INTS9: variants seen among roughly 807,000 people sequenced by gnomAD.
INTS9 encodes protein related to CPSF subunits of 74 kDa.
INTS9 carries 55 observed loss-of-function variants against 79.7 expected under a neutral mutation model. That is an observed-to-expected ratio of 0.69 (90% CI 0.56 to 0.86). INTS9 has a LOEUF of 0.86. Ranked by LOEUF, INTS9 falls within the 40% of genes least tolerant of loss-of-function variation. The pLI is 0.00. For missense variants in INTS9, 721 were observed against 831.5 expected, an observed-to-expected ratio of 0.87 and a Z score of 1.64; for synonymous variants, 319 against 325.2, an observed-to-expected ratio of 0.98 and a Z score of 0.20.
intron 1 of INTS9, among the ~76,000 whole-genome samples, chr8:28,860,475 CT>C (rs769131992): frequency 2.3e-3 from 325 of 143,730 alleles, no homozygotes; most frequent in East Asian, 2.6e-3. Flanking sequence ...CCATTCTCTC[CT>C]TTTTTTTTTT....
chr8:28,879,356 C>A (rs1273440977), intron 1 of INTS9, among the ~76,000 whole-genome samples: 2 of 152,000 alleles, frequency 1.3e-5, no homozygotes, highest in African/African-American at 4.8e-5. Flanking sequence ...AAGCATCTTA[C>A]AAAATCCAAG....
At chr8:28,867,002 T>G (rs1431326746) in intron 1 of INTS9, among the ~76,000 whole-genome samples, 2 of 138,506 alleles carry the variant, frequency 1.4e-5, no homozygotes, top group African/African-American at 2.7e-5. Context: ...AAATCTGCTT[T>G]CCAGCCAGGC....
At chr8:28,889,594 CCA>C (rs1563325851) in intron 1 of INTS9, among the ~76,000 whole-genome samples, 2 of 152,110 alleles carry the variant, frequency 1.3e-5, no homozygotes, top group South Asian at 2.1e-4. Flanking sequence ...TTAACAGAGC[CCA>C]CAGAGTTCAT....
chr8:28,868,489 T>C (rs1300498551), intron 1 of INTS9, among the ~76,000 whole-genome samples: 2 of 152,156 alleles, frequency 1.3e-5, no homozygotes. Flanking sequence ...ATGAAGTAAG[T>C]TGTAAATGAC....
intron 6 of INTS9, among the ~76,000 whole-genome samples, chr8:28,826,442 C>T (rs542061749): frequency 6.6e-6 from 1 of 152,128 alleles, no homozygotes; most frequent in African/African-American, 2.4e-5. Context: ...TCAGGGGTAA[C>T]CCGGAGGAGG....
At chr8:28,777,311 TC>T (rs1302463556) in intron 13 of INTS9, among the ~76,000 whole-genome samples, 2 of 152,124 alleles carry the variant, frequency 1.3e-5, no homozygotes, top group Admixed American at 1.3e-4. Context: ...GCACAGTGGT[TC>T]CGTGGCCCTG....
intron 8 of INTS9, among the ~76,000 whole-genome samples, chr8:28,807,589 C>T (rs1429256753): frequency 6.6e-6 from 1 of 152,196 alleles, no homozygotes; most frequent in Non-Finnish European, 1.5e-5. Flanking sequence ...GAAAAGCTAA[C>T]ACTGCAGTTC....
chr8:28,817,267 CT>C (rs1371205874), intron 6 of INTS9, among the ~76,000 whole-genome samples: 1 of 151,828 alleles, frequency 6.6e-6, no homozygotes, highest in Non-Finnish European at 1.5e-5. Flanking sequence ...AGGTTTTCTT[CT>C]AGGGTTTTTA....
chr8:28,867,280 G>A (rs901947874), intron 1 of INTS9, among the ~76,000 whole-genome samples: 2 of 152,158 alleles, frequency 1.3e-5, no homozygotes, highest in African/African-American at 4.8e-5. Context: ...TTAGCTGGGC[G>A]TCGTGGCATG....
At chr8:28,851,427 T>C (rs906786406) in intron 2 of INTS9, among the ~76,000 whole-genome samples, 3 of 151,476 alleles carry the variant, frequency 2.0e-5, no homozygotes, top group Admixed American at 6.6e-5. Flanking sequence ...TTTGTTTTTG[T>C]TTTTGTTTTG....
At chr8:28,791,380 C>T (rs777689431) in intron 10 of INTS9, among the ~76,000 whole-genome samples, 5 of 152,100 alleles carry the variant, frequency 3.3e-5, no homozygotes, top group Non-Finnish European at 7.4e-5. Context: ...CAATAAAGAA[C>T]TATGGATAGT....
intron 1 of INTS9, among the ~76,000 whole-genome samples, chr8:28,860,105 C>T (rs1808372777): frequency 6.6e-6 from 1 of 152,184 alleles, no homozygotes; most frequent in Non-Finnish European, 1.5e-5. Flanking sequence ...AAGTGACTTC[C>T]CTGATGTGCA....
intron 1 of INTS9, among the ~76,000 whole-genome samples, chr8:28,860,773 C>T (rs1471993393): frequency 6.6e-6 from 1 of 152,222 alleles, no homozygotes; most frequent in Non-Finnish European, 1.5e-5. Flanking sequence ...TGAGCCATGG[C>T]GCCCGACCCT....
At chr8:28,824,363 A>T (rs1806028319) in intron 6 of INTS9, among the ~76,000 whole-genome samples, 1 of 152,182 alleles carries the variant, frequency 6.6e-6, no homozygotes, top group Non-Finnish European at 1.5e-5. Context: ...TGACTTCCTA[A>T]GGCCCTTCTT....
intron 11 of INTS9, among the ~76,000 whole-genome samples, chr8:28,785,564 T>C: frequency 6.6e-6 from 1 of 152,230 alleles, no homozygotes; most frequent in East Asian, 1.9e-4. Context: ...GCTTCTGACA[T>C]GTCCCCATCT....
chr8:28,845,493 G>C (rs1807454808), intron 4 of INTS9, among the ~76,000 whole-genome samples: 1 of 152,170 alleles, frequency 6.6e-6, no homozygotes, highest in Non-Finnish European at 1.5e-5. Context: ...CTGTGGAATG[G>C]TAACTGTCTA....
At chr8:28,878,026 C>T (rs1379713344) in intron 1 of INTS9, among the ~76,000 whole-genome samples, 1 of 152,096 alleles carries the variant, frequency 6.6e-6, no homozygotes, top group Non-Finnish European at 1.5e-5. Flanking sequence ...TTGTTAAATG[C>T]AGATTCTGTT....
At chr8:28,889,412 C>G (rs867976895) in intron 1 of INTS9, among the ~76,000 whole-genome samples, 7 of 152,204 alleles carry the variant, frequency 4.6e-5, no homozygotes, top group African/African-American at 1.7e-4. Context: ...GTCTATATAA[C>G]AGGATATTTA....
At position 28,845,426 on chromosome 8, in the gene INTS9, G is replaced by A. The variant is rs533228274; in HGVS notation, c.261+1321C>T. 3.3e-5 allele frequency among the ~76,000 whole-genome samples: 5 copies of A among 152,270 alleles called. No homozygotes were observed. In the East Asian group the frequency reaches 9.6e-4, roughly 29 times the overall value. On this transcript the variant is annotated intron_variant, in intron 4 of 16. Transcript: ENST00000521022. ...GCCCTAACATCTTGCCTGAAAAAAT[G>A]TATATGGCTCTAGAACCCTAAATAT...
Sources: allele counts gnomAD v4.1 joint callset (sites outside exome capture counted in the v4.1 genomes callset), GRCh38; gene constraint gnomAD v4.1.1; transcripts MANE v1.5; gene names NCBI Gene and HGNC (gene_info 2026-07-23, HGNC 2026-07-21).